Variants in PADI3 observed in about 807,000 individuals in gnomAD.
PADI3 encodes the protein protein-arginine deiminase type-3.
In PADI3, 53 loss-of-function variants were observed where a neutral mutation model predicts 71.5. That is an observed-to-expected ratio of 0.74 (90% CI 0.59 to 0.93). PADI3 has a LOEUF of 0.93. PADI3 is among the 40% of genes least tolerant of loss of function. The pLI, the probability that PADI3 is intolerant of heterozygous loss-of-function variation, is 0.00. For missense variants in PADI3, 821 were observed against 868.0 expected (o/e 0.95, Z 0.68); for synonymous variants, 361 against 347.5 (o/e 1.04, Z -0.43).
At chr1:17,255,132 A>C (rs867065683) in intron 1 of PADI3, among the ~76,000 whole-genome samples, 4 of 152,208 alleles carry the variant, frequency 2.6e-5, no homozygotes, top group African/African-American at 9.6e-5. Flanking sequence ...ACTTCTAAGA[A>C]TCTGCATTTT....
intron 13 of PADI3, chr1:17,278,050 G>C (rs1055592725): frequency 3.3e-5 from 5 of 152,920 alleles, no homozygotes; most frequent in African/African-American, 1.2e-4. Context: ...CCCACAGGGT[G>C]GGCCCTGACA....
In PADI3 at chr1:17,265,901, G is replaced by A. The variant is rs181643688; in HGVS notation, c.408+181G>A. On this transcript the variant is annotated intron_variant, in intron 4 of 15. Coordinates refer to ENST00000375460, the MANE Select transcript of PADI3 (RefSeq NM_016233.2). ...TTCTTTCACCAGGAGAAAAATCATC[G>A]CCAGGAATTATCAGGCATGGAGGTA... 6.6e-5 allele frequency among the ~76,000 whole-genome samples: 10 copies of A among 152,282 alleles called. 1 individual carries two copies. Among genetic ancestry groups the A allele is most frequent in the South Asian group, 2.1e-4 (1 of 4,826 alleles).
rs377689956 is a variant in PADI3, at chr1:17,271,104, G to A, written c.973G>A (p.Glu325Lys). Reference sequence around the variant, plus strand: ...CACGTGTTTTGTGGATGCGGTGGCAGAGCTGGCCAGGAAGGCCGGCTGCAA... The same window carrying A: ...CACGTGTTTTGTGGATGCGGTGGCAAAGCTGGCCAGGAAGGCCGGCTGCAA... ...NNTCFVDAVA[E>K]LARKAGCKLT... The change falls in exon 9 of 16, where the codon GAG (glutamate) becomes AAG (lysine). Residue 325 changes from glutamate (E) to lysine (K), a missense_variant. By Grantham distance (56) the Glu-to-Lys change is moderately conservative. Transcript: ENST00000375460. The A allele has an allele frequency of 6.2e-6, 10 of 1,614,044 alleles. No homozygotes were observed. The highest frequency in any genetic ancestry group is 8.5e-6 in the Non-Finnish European group (10 of 1,180,004).
In PADI3 at chr1:17,265,758, A is replaced by T. The variant is rs771891513; in HGVS notation, c.408+38A>T. On this transcript the variant is annotated intron_variant, in intron 4 of 15. Transcript: ENST00000375460. Reference sequence around the variant, plus strand: ...GCCTGGGCCCAGGAAGCAGGAGTGCAGTTGGAGCTTGCTCTAGGTTGGGTT... The same window carrying T: ...GCCTGGGCCCAGGAAGCAGGAGTGCTGTTGGAGCTTGCTCTAGGTTGGGTT... The T allele has an allele frequency of 7.0e-6, 11 of 1,582,224 alleles. No homozygotes were observed. The South Asian group carries it at 1.2e-4, about 17-fold the overall frequency.
At chr1:17,274,579 G>A in intron 10 of PADI3, 56 bp from the exon 11 acceptor site, 1 of 1,517,546 alleles carries the variant, frequency 6.6e-7, no homozygotes, top group Non-Finnish European at 8.9e-7. Flanking sequence ...CCAGCAAGTT[G>A]GTTCAGGCCC....
chr1:17,280,598 G>A, intron 14 of PADI3, 73 bp from the exon 15 acceptor site: 1 of 1,602,220 alleles, frequency 6.2e-7, no homozygotes, highest in Non-Finnish European at 8.5e-7. Context: ...AGTGAGGGGA[G>A]CGACAGGATG....
chr1:17,264,027 T>C (rs2977268), intron 3 of PADI3, among the ~76,000 whole-genome samples: 22,600 of 152,182 alleles, frequency 0.15, 1,726 homozygotes, highest in African/African-American at 0.16. Flanking sequence ...ACTTCTAGGT[T>C]ATAGAGAATC....
At chr1:17,273,692 G>A (rs772523571) in intron 10 of PADI3, among the ~76,000 whole-genome samples, 55 of 152,304 alleles carry the variant, frequency 3.6e-4, no homozygotes, top group Non-Finnish European at 3.1e-4. Flanking sequence ...AAAAGTTGTC[G>A]TTTATCTAAA....
intron 15 of PADI3, 142 bp downstream of exon 15, chr1:17,280,938 C>A (rs1424144815): frequency 3.7e-6 from 4 of 1,071,478 alleles, no homozygotes; most frequent in Non-Finnish European, 5.4e-6. Flanking sequence ...TCCTATGGTG[C>A]TCCTCAGAAG....
intron 9 of PADI3, 67 bp downstream of exon 9, chr1:17,271,245 G>A: frequency 1.5e-6 from 2 of 1,371,158 alleles, no homozygotes; most frequent in East Asian, 2.4e-5. Context: ...TTCATTTGGG[G>A]GCCACCGAGA....
At chr1:17,257,090 T>A (rs2073038287) in intron 1 of PADI3, among the ~76,000 whole-genome samples, 1 of 133,890 alleles carries the variant, frequency 7.5e-6, no homozygotes, top group East Asian at 2.4e-4. Flanking sequence ...GGCGAGTGCC[T>A]CAGGAGCGTG....
At chr1:17,276,469 A>G (rs376027845) in intron 11 of PADI3, 50 bp from the exon 12 acceptor site, 254 of 1,598,638 alleles carry the variant, frequency 1.6e-4, no homozygotes, top group Non-Finnish European at 2.0e-4. Context: ...TTATTTCTGC[A>G]TGGAGTCTTT....
intron 9 of PADI3, among the ~76,000 whole-genome samples, chr1:17,273,131 C>T (rs1369660475): frequency 6.6e-6 from 1 of 152,170 alleles, no homozygotes; most frequent in African/African-American, 2.4e-5. Context: ...TGCTGTGTGA[C>T]CTTAGACAAG....
At position 17,271,131 on chromosome 1, in the gene PADI3, C is replaced by G; in HGVS notation, c.1000C>G (p.Leu334Val). Reference protein sequence around the residue: ...AELARKAGCKLTICPQAENRN... With the variant: ...AELARKAGCKVTICPQAENRN... ...GCTGGCCAGGAAGGCCGGCTGCAAG[C>G]TGACCATCTGCCCACAGGCCGAGAA... is the stretch of plus-strand genomic sequence containing the variant. The change falls in exon 9 of 16, where the codon CTG (leucine) becomes GTG (valine). Residue 334 changes from leucine (L) to valine (V), a missense_variant. Transcript: ENST00000375460. 6.2e-7 allele frequency: 1 copy of G among 1,613,844 alleles called. No homozygotes were observed. The highest frequency in any genetic ancestry group is 8.5e-7 in the Non-Finnish European group (1 of 1,180,020).
At chr1:17,260,252 C>T (rs2073087128) in intron 2 of PADI3, among the ~76,000 whole-genome samples, 2 of 152,288 alleles carry the variant, frequency 1.3e-5, no homozygotes, top group African/African-American at 4.8e-5. Context: ...TTCCCCAAGG[C>T]GCTTTGCTGT....
At chr1:17,250,366 C>T (rs931687781) in intron 1 of PADI3, among the ~76,000 whole-genome samples, 1 of 152,192 alleles carries the variant, frequency 6.6e-6, no homozygotes, top group African/African-American at 2.4e-5. Context: ...CAGCACACTC[C>T]CGAGTTGTGA....
intron 9 of PADI3, among the ~76,000 whole-genome samples, chr1:17,271,659 C>T (rs573158638): frequency 2.0e-5 from 3 of 151,716 alleles, no homozygotes; most frequent in African/African-American, 7.3e-5. Context: ...GTAGCTGGGG[C>T]AACATGGTGA....
chr1:17,249,100 T>A lies in PADI3; in HGVS notation c.-38T>A. 1 of 1,561,346 alleles carries A rather than the reference T, an allele frequency of 6.4e-7. No homozygotes were observed. The highest frequency in any genetic ancestry group is 1.1e-5 in the South Asian group (1 of 89,942). On this transcript the variant is annotated 5_prime_UTR_variant, in exon 1 of 16. Transcript: ENST00000375460. The stretch of plus-strand genomic sequence containing the variant: ...TCATCCTAAGGGGCCTCAGGGGCAG[T>A]GTTGGGGTTGGCGGCCACAGCTAAG...
In PADI3 at chr1:17,271,158, C is replaced by A; in HGVS notation, c.1027C>A (p.Arg343Ser). 6.2e-7 allele frequency: 1 copy of A among 1,613,176 alleles called. No homozygotes were observed. Among genetic ancestry groups the A allele is most frequent in the Non-Finnish European group, 8.5e-7 (1 of 1,179,956 alleles). ...KLTICPQAENRNDRWIQDEME... is the reference protein window; with the variant it reads ...KLTICPQAENSNDRWIQDEME... ...GACCATCTGCCCACAGGCCGAGAACCGCAACGACCGCTGGATCCAGGTAAC... is the reference window on the plus strand; with the variant it reads ...GACCATCTGCCCACAGGCCGAGAACAGCAACGACCGCTGGATCCAGGTAAC... Residue 343 changes from arginine to serine, a missense_variant, in exon 9 of 16, where the codon CGC (arginine) becomes AGC (serine). Arg to Ser is a moderately radical substitution (Grantham distance 110). Transcript: ENST00000375460.
Sources: allele counts gnomAD v4.1 joint callset (sites outside exome capture counted in the v4.1 genomes callset), GRCh38; gene constraint gnomAD v4.1.1; transcripts MANE v1.5; gene names NCBI Gene and HGNC (gene_info 2026-07-23, HGNC 2026-07-21).